Variants in ACTN1 observed in about 807,000 individuals in gnomAD.
The protein encoded by ACTN1 is actinin alpha 1, also known as alpha-actinin-1.
In ACTN1, 30 loss-of-function variants were observed where a neutral mutation model predicts 119.6. The ratio of observed to expected loss-of-function variants is 0.25; its 90% CI spans 0.19 to 0.34. The LOEUF is 0.34. Among genes scored for constraint, ACTN1 ranks in the 10% least tolerant of loss-of-function variants. The pLI is 1.00. For missense variants in ACTN1, 764 were observed against 1,223.4 expected (o/e 0.62, Z 5.60); for synonymous variants, 429 against 472.6 (o/e 0.91, Z 1.20).
Position 68,879,155 on chromosome 14 carries a change from G to A in ACTN1, c.2281-86C>T, listed in dbSNP as rs573824008. 1.2e-4 allele frequency: 133 copies of A among 1,126,852 alleles called. No individual in the cohort carries two copies. The highest frequency in any genetic ancestry group is 3.5e-4 in the Admixed American group (15 of 42,328). 69.8% of individuals were successfully genotyped at this position (1,126,852 alleles called of 1,614,324 possible). ...GGGGCATGCCCCGGGGGAGGGTGGC[G>A]TGTGTGGGGAGACACAGGGACAGGC... On this transcript the variant is annotated intron_variant, in intron 18 of 21. Transcript: ENST00000394419. This position sits in a 1 kb window ranked among gnomAD's most constrained non-coding sequence, Gnocchi z 4.9.
At chr14:68,961,123 C>CTTTTTAATATA (rs2036524037) in intron 1 of ACTN1, among the ~76,000 whole-genome samples, 1 of 152,126 alleles carries the variant, frequency 6.6e-6, no homozygotes, top group South Asian at 2.1e-4. Flanking sequence ...ATATATCCAC[C>CTTTTTAATATA]TCAAATGCTT....
chr14:68,951,981 C>T (rs1031007160), intron 1 of ACTN1, among the ~76,000 whole-genome samples: 2 of 152,244 alleles, frequency 1.3e-5, no homozygotes, highest in African/African-American at 4.8e-5. Context: ...TACTCCCTGT[C>T]CCCAGGGCCG....
Position 68,879,316 on chromosome 14 carries a change from G to A in ACTN1, c.2281-247C>T, listed in dbSNP as rs1438425557. On this transcript the variant is annotated intron_variant, in intron 18 of 21. Transcript: ENST00000394419. This position sits in a 1 kb window ranked among gnomAD's most constrained non-coding sequence, Gnocchi z 4.9. ...CTCCAGGGAGCAGGACCACAGTGGG[G>A]TGTGATGAGCCACAAGGGTGAGAAG... 6.6e-6 allele frequency among the ~76,000 whole-genome samples: 1 copy of A among 152,046 alleles called. No individual in the cohort carries two copies. Among genetic ancestry groups the A allele is most frequent in the Non-Finnish European group, 1.5e-5 (1 of 67,982 alleles).
intron 1 of ACTN1, among the ~76,000 whole-genome samples, chr14:68,942,205 CTG>C (rs2035783063): frequency 8.7e-6 from 1 of 115,204 alleles, no homozygotes; most frequent in Non-Finnish European, 1.9e-5. Flanking sequence ...GCAAAAAACT[CTG>C]TCTCTACAAA....
At chr14:68,907,048 G>A (rs377085935) in intron 6 of ACTN1, among the ~76,000 whole-genome samples, 228 of 152,122 alleles carry the variant, frequency 1.5e-3, no homozygotes, top group South Asian at 8.3e-3. Flanking sequence ...CAAGGTGAGC[G>A]AATCACCTGA....
intron 1 of ACTN1, among the ~76,000 whole-genome samples, chr14:68,976,821 T>C (rs1594892808): frequency 1.3e-5 from 2 of 152,200 alleles, no homozygotes; most frequent in Non-Finnish European, 2.9e-5. Flanking sequence ...TATCAGCAAA[T>C]GCCAGTTCTT....
At chr14:68,975,109 T>C (rs947523178) in intron 1 of ACTN1, among the ~76,000 whole-genome samples, 2 of 152,256 alleles carry the variant, frequency 1.3e-5, no homozygotes, top group African/African-American at 2.4e-5. Flanking sequence ...GCTCCTGCAA[T>C]GGCCTTGCTG....
chr14:68,936,725 T>C, intron 1 of ACTN1: 1 of 637,100 alleles, frequency 1.6e-6, no homozygotes. Context: ...ACAAAGCCTA[T>C]GTTGTCCTTG....
At position 68,932,795 on chromosome 14, in the gene ACTN1, A is replaced by G. The variant is rs544653520; in HGVS notation, c.106-7123T>C. Among the ~76,000 whole-genome samples, 4 of 152,194 alleles carry G rather than the reference A, an allele frequency of 2.6e-5. No homozygotes were observed. In the East Asian group the frequency reaches 7.7e-4, roughly 29 times the overall value. On this transcript the variant is annotated intron_variant, in intron 1 of 21. Transcript: ENST00000394419. ...TTGGTGGGGGCAGGGAAGCTGCTGT[A>G]TGCATCATAGATGTTCAGCAGCACC...
In ACTN1 at chr14:68,909,809, G is replaced by A. The variant is rs1056352420; in HGVS notation, c.515+146C>T. ...AGACGGGGGGATTCAGAGCGATGGC[G>A]ACATCCCCTTCCCAAGGAAAGCTAC... On this transcript the variant is annotated intron_variant, in intron 5 of 21. Coordinates refer to ENST00000394419, the MANE Select transcript of ACTN1 (RefSeq NM_001130004.2). The surrounding 1 kb of genome is among the most constrained non-coding windows in gnomAD (Gnocchi z 4.1). The A allele has an allele frequency of 3.2e-5, 21 of 665,988 alleles. No individual in the cohort carries two copies. Among genetic ancestry groups the A allele is most frequent in the Non-Finnish European group, 4.7e-5 (18 of 381,046 alleles). The allele number at this position is 665,988 out of a possible 1,614,324, so 41.3% of individuals were successfully genotyped here.
At chr14:68,884,490 A>G (rs1566596170) in intron 13 of ACTN1, among the ~76,000 whole-genome samples, 182 bp from the exon 14 acceptor site, 1 of 152,226 alleles carries the variant, frequency 6.6e-6, no homozygotes, top group Non-Finnish European at 1.5e-5. Flanking sequence ...CCTGGGTCCC[A>G]GAGTCTGGTG....
chr14:68,903,618 C>A (rs1221934345), intron 7 of ACTN1, among the ~76,000 whole-genome samples: 2 of 151,968 alleles, frequency 1.3e-5, no homozygotes, highest in Non-Finnish European at 2.9e-5. Flanking sequence ...GTCTCCATAA[C>A]CCCTTTCTAG....
At chr14:68,903,211 G>A (rs368762985) in intron 7 of ACTN1, among the ~76,000 whole-genome samples, 5 of 152,178 alleles carry the variant, frequency 3.3e-5, no homozygotes, top group Admixed American at 1.3e-4. Context: ...AAAGGTCATC[G>A]TGCTATTCTT....
At chr14:68,884,067 G>A in intron 14 of ACTN1, 101 bp downstream of exon 14, 1 of 1,254,228 alleles carries the variant, frequency 8.0e-7, no homozygotes, top group Middle Eastern at 2.3e-4. Context: ...AAAATCCTTA[G>A]GATGCTCTTC....
chr14:68,914,331 T>C (rs1045512941), intron 3 of ACTN1, among the ~76,000 whole-genome samples: 1 of 152,118 alleles, frequency 6.6e-6, no homozygotes, highest in Non-Finnish European at 1.5e-5. Context: ...AATTGAAAAA[T>C]ACTAAACTCT....
Position 68,904,694 on chromosome 14 carries a change from C to G in ACTN1, c.637G>C (p.Glu213Gln). 6.2e-7 allele frequency: 1 copy of G among 1,614,172 alleles called. No homozygotes were observed. Among genetic ancestry groups the G allele is most frequent in the South Asian group, 1.1e-5 (1 of 91,076 alleles). The change falls in exon 7 of 22, where the codon GAG becomes CAG. Residue 213 changes from glutamate (E) to glutamine (Q), a missense_variant. Coordinates refer to ENST00000394419, the MANE Select transcript of ACTN1 (RefSeq NM_001130004.2). ...ATCTTGGGGATGTCCAGGTACTTCTCTGCCACGTCAAAAGCCGTATTCAGA... is the reference window on the plus strand; with the variant it reads ...ATCTTGGGGATGTCCAGGTACTTCTGTGCCACGTCAAAAGCCGTATTCAGA... ...TNLNTAFDVAEKYLDIPKMLD... is the reference protein window; with the variant it reads ...TNLNTAFDVAQKYLDIPKMLD...
chr14:68,923,625 C>G lies in ACTN1; in HGVS notation c.220+1933G>C, dbSNP rs143243700. ...AGGAGTTCAATACCAGCCTGGCCAA[C>G]ATGGTGGAACCCTATCTCAAAGAAA... On this transcript the variant is annotated intron_variant, in intron 2 of 21. Transcript: ENST00000394419. Among the ~76,000 whole-genome samples the G allele has an allele frequency of 2.1e-4, 32 of 151,978 alleles. 1 individual carries two copies. The East Asian group carries it at 6.0e-3, about 28-fold the overall frequency.
intron 1 of ACTN1, among the ~76,000 whole-genome samples, chr14:68,962,805 C>T (rs549541999): frequency 5.7e-4 from 87 of 152,326 alleles, no homozygotes; most frequent in Admixed American, 2.8e-3. Flanking sequence ...TCTGCCCTTC[C>T]GCACCCGCTG....
Position 68,909,315 on chromosome 14 carries a change from T to TA in ACTN1, c.594+2dup, listed in dbSNP as rs966824184. On this transcript the variant is annotated splice_region_variant and intron_variant, in intron 6 of 21. Coordinates refer to ENST00000394419, the MANE Select transcript of ACTN1 (RefSeq NM_001130004.2). This position sits in a 1 kb window ranked among gnomAD's most constrained non-coding sequence, Gnocchi z 4.1. Reference sequence around the variant, plus strand: ...AAGCGGGTGGTCAGGTGGGCACACATACCTTCCGCAGCTTCCCGTAGTCAA... The same window carrying TA: ...AAGCGGGTGGTCAGGTGGGCACACATAACCTTCCGCAGCTTCCCGTAGTCAA... 1 of 1,613,476 alleles carries TA rather than the reference T, an allele frequency of 6.2e-7. No homozygotes were observed. Among genetic ancestry groups the TA allele is most frequent in the Non-Finnish European group, 8.5e-7 (1 of 1,179,866 alleles).
Sources: allele counts gnomAD v4.1 joint callset (sites outside exome capture counted in the v4.1 genomes callset), GRCh38; gene constraint gnomAD v4.1.1; non-coding constraint Gnocchi (gnomAD v3.1); transcripts MANE v1.5; gene names NCBI Gene and HGNC (gene_info 2026-07-23, HGNC 2026-07-21).